Variants in DENND1B observed in about 807,000 individuals in gnomAD.
DENND1B encodes DENN domain containing 1B, also known as DENN domain-containing protein 1B.
A neutral mutation model predicts 90.1 loss-of-function variants in DENND1B; 59 were observed. The observed-to-expected ratio is 0.65, with a 90% CI of 0.53 to 0.81. The LOEUF (loss-of-function observed/expected upper bound fraction) is 0.81, where lower values mean the gene tolerates loss of function less well. DENND1B is among the 40% of genes least tolerant of loss of function. The pLI, the probability that DENND1B is intolerant of heterozygous loss-of-function variation, is 0.00. For missense variants in DENND1B, 862 were observed against 912.6 expected (o/e 0.94, Z 0.71); for synonymous variants, 337 against 324.6 (o/e 1.04, Z -0.41).
At chr1:197,626,220 T>C (rs906756834) in intron 10 of DENND1B, among the ~76,000 whole-genome samples, 9 of 152,036 alleles carry the variant, frequency 5.9e-5, no homozygotes, top group African/African-American at 2.2e-4. Context: ...AGAATATACA[T>C]TTTTTTCAGC....
chr1:197,510,650 T>A lies in DENND1B; in HGVS notation c.2138A>T (p.Asp713Val). 6.2e-7 allele frequency: 1 copy of A among 1,612,864 alleles called. No homozygotes were observed. Residue 713 changes from aspartate (D) to valine (V), a missense_variant, in exon 23 of 23, where the codon GAT (aspartate) becomes GTT (valine). Asp to Val is a radical substitution (Grantham distance 152). Coordinates refer to ENST00000620048, the MANE Select transcript of DENND1B (RefSeq NM_001195215.2). ...KRETLSQISD[D>V]LLIPGLGRHS... ...CCGCCCAAGACCGGGTATAAGCAGA[T>A]CATCTGAAATCTGGCTTAGTGTTTC...
intron 7 of DENND1B, among the ~76,000 whole-genome samples, chr1:197,651,030 T>C (rs1380855264): frequency 1.3e-5 from 2 of 152,002 alleles, no homozygotes; most frequent in African/African-American, 4.8e-5. Context: ...ATTAAAAAAT[T>C]AATTAATTTT....
chr1:197,621,855 G>A (rs1678200186), intron 10 of DENND1B, among the ~76,000 whole-genome samples: 1 of 151,224 alleles, frequency 6.6e-6, no homozygotes, highest in Admixed American at 6.6e-5. Context: ...AAGGTTTATG[G>A]AAAAAAATTT....
intron 2 of DENND1B, among the ~76,000 whole-genome samples, chr1:197,720,951 T>C (rs1352077446): frequency 6.6e-6 from 1 of 152,174 alleles, no homozygotes; most frequent in East Asian, 1.9e-4. Context: ...TATTTAATTT[T>C]ATCATCTTCT....
intron 12 of DENND1B, among the ~76,000 whole-genome samples, chr1:197,610,290 G>A (rs1028369699): frequency 1.3e-5 from 2 of 150,422 alleles, no homozygotes; most frequent in African/African-American, 4.9e-5. Context: ...TTTTTAAGGA[G>A]CAAATAATTC....
chr1:197,602,058 CT>C (rs1676261193), intron 13 of DENND1B, among the ~76,000 whole-genome samples: 1 of 151,490 alleles, frequency 6.6e-6, no homozygotes. Flanking sequence ...AACATGGTCT[CT>C]TTTTCTAAAT....
chr1:197,687,849 C>A (rs1037788788), intron 3 of DENND1B, among the ~76,000 whole-genome samples: 7 of 152,060 alleles, frequency 4.6e-5, no homozygotes, highest in Non-Finnish European at 7.4e-5. Flanking sequence ...AAAGGGCATC[C>A]AAATTAGAAA....
intron 5 of DENND1B, among the ~76,000 whole-genome samples, chr1:197,667,584 C>G (rs1431761012): frequency 6.6e-6 from 1 of 152,120 alleles, no homozygotes; most frequent in Non-Finnish European, 1.5e-5. Context: ...CGTGCGCCAC[C>G]ACGCCCAGCT....
At chr1:197,589,789 T>A (rs1025079069) in intron 14 of DENND1B, among the ~76,000 whole-genome samples, 1 of 152,156 alleles carries the variant, frequency 6.6e-6, no homozygotes, top group African/African-American at 2.4e-5. Flanking sequence ...TTATTTTTTA[T>A]CCATTAGCAA....
intron 10 of DENND1B, among the ~76,000 whole-genome samples, chr1:197,624,615 C>T (rs967941868): frequency 6.6e-6 from 1 of 151,786 alleles, no homozygotes; most frequent in African/African-American, 2.4e-5. Flanking sequence ...AGCGCCTCTC[C>T]TCCTCCAAAG....
chr1:197,571,872 TA>T (rs1318755732), intron 15 of DENND1B, among the ~76,000 whole-genome samples: 3 of 152,024 alleles, frequency 2.0e-5, no homozygotes, highest in African/African-American at 7.2e-5. Context: ...AAATACATAT[TA>T]AAAAGAGAAA....
At chr1:197,579,987 T>TATC (rs1387150572) in intron 15 of DENND1B, among the ~76,000 whole-genome samples, 1 of 151,912 alleles carries the variant, frequency 6.6e-6, no homozygotes, top group African/African-American at 2.4e-5. Flanking sequence ...TTCCAATACT[T>TATC]AAAGTCTTTG....
In DENND1B at chr1:197,766,438, T is replaced by C. The variant is rs1302553959; in HGVS notation, c.82+6430A>G. 3.3e-5 allele frequency among the ~76,000 whole-genome samples: 5 copies of C among 152,254 alleles called. 1 individual carries two copies. Among genetic ancestry groups the C allele is most frequent in the Non-Finnish European group, 7.3e-5 (5 of 68,048 alleles). The stretch of plus-strand genomic sequence containing the variant: ...CTCCTAAACTACTTTATTATCTGTA[T>C]GATTCCTCAAGGTTCTATTTTCCAA... On this transcript the variant is annotated intron_variant, in intron 2 of 22. Coordinates refer to ENST00000620048, the MANE Select transcript of DENND1B (RefSeq NM_001195215.2).
Position 197,675,301 on chromosome 1 carries a change from T to C in DENND1B, c.127-1132A>G, listed in dbSNP as rs913890159. On this transcript the variant is annotated intron_variant, in intron 3 of 22. Coordinates refer to ENST00000620048, the MANE Select transcript of DENND1B (RefSeq NM_001195215.2). ...AAATATAGCATTGAGTGTTTTAAAG[T>C]AGAATTTCTTGCATTCTTTTAAAAA... Among the ~76,000 whole-genome samples the C allele has an allele frequency of 2.6e-5, 4 of 152,156 alleles. No homozygotes were observed. In the South Asian group the frequency reaches 6.2e-4, roughly 24 times the overall value.
At chr1:197,620,221 T>C (rs1471950457) in intron 10 of DENND1B, among the ~76,000 whole-genome samples, 3 of 151,280 alleles carry the variant, frequency 2.0e-5, no homozygotes, top group Non-Finnish European at 3.0e-5. Flanking sequence ...AATACTATTA[T>C]GGCATATTCT....
intron 20 of DENND1B, among the ~76,000 whole-genome samples, chr1:197,529,236 ATATATATGTGTG>A (rs1180575031): frequency 3.0e-4 from 3 of 10,128 alleles, no homozygotes; most frequent in Non-Finnish European, 5.6e-4. Context: ...ATATATATAT[ATATATATGTGTG>A]TGTGTGTGTG....
intron 2 of DENND1B, among the ~76,000 whole-genome samples, chr1:197,766,793 ATT>A (rs1408177714): frequency 6.6e-6 from 1 of 151,898 alleles, no homozygotes; most frequent in Non-Finnish European, 1.5e-5. Flanking sequence ...ATTTATTTTT[ATT>A]TTTTATTTTT....
chr1:197,672,490 T>C (rs1655613815), intron 4 of DENND1B, among the ~76,000 whole-genome samples: 1 of 152,066 alleles, frequency 6.6e-6, no homozygotes. Flanking sequence ...TAGAAGCAGC[T>C]AGAAATCATG....
chr1:197,562,013 G>A (rs1017595713), intron 15 of DENND1B, among the ~76,000 whole-genome samples: 2 of 151,758 alleles, frequency 1.3e-5, no homozygotes, highest in African/African-American at 4.8e-5. Flanking sequence ...CCGCTGAAGT[G>A]ACACATATTC....
Sources: gnomAD v4.1 joint callset for allele counts (sites outside exome capture counted in the v4.1 genomes callset) on GRCh38, gnomAD v4.1.1 for gene constraint, MANE v1.5 for transcripts, NCBI Gene and HGNC (gene_info 2026-07-23, HGNC 2026-07-21) for gene names.